Variants in CLK3 observed in about 807,000 individuals in gnomAD.
The protein encoded by CLK3 is dual specificity protein kinase CLK3.
In CLK3, 24 loss-of-function variants were observed where a neutral mutation model predicts 65.2. The observed-to-expected ratio is 0.37, with a 90% confidence interval of 0.27 to 0.52. The LOEUF is 0.52. CLK3 is among the 20% of genes least tolerant of loss of function. The pLI is 0.92. For missense variants in CLK3, 506 were observed against 660.0 expected (o/e 0.77, Z 2.56); for synonymous variants, 252 against 240.8 (o/e 1.05, Z -0.43).
intron 7 of CLK3, among the ~76,000 whole-genome samples, chr15:74,626,541 G>T (rs1445490642): frequency 1.3e-5 from 2 of 152,244 alleles, no homozygotes; most frequent in Non-Finnish European, 2.9e-5. Context: ...GTGATAGGCT[G>T]CAGGCCACTG....
At chr15:74,614,775 GA>G (rs2062034869), upstream of CLK3, 4 of 152,304 alleles carry the variant, frequency 2.6e-5, no homozygotes, top group South Asian at 8.3e-4. Flanking sequence ...CGGTGCTGGG[GA>G]AACCCTTGGC....
chr15:74,615,045 G>T (rs1378595895), upstream of CLK3: 1 of 193,798 alleles, frequency 5.2e-6, no homozygotes, highest in Non-Finnish European at 1.0e-5. Context: ...ACCCGGCGCG[G>T]GACAGTAGGT....
chr15:74,619,055 T>C, intron 1 of CLK3, 142 bp from the exon 2 acceptor site: 2 of 933,406 alleles, frequency 2.1e-6, no homozygotes, highest in South Asian at 1.6e-5. Context: ...AGAGTTCTTC[T>C]TCACTTCATA....
chr15:74,619,912 G>C (rs2141540736), intron 2 of CLK3, 97 bp from the exon 3 acceptor site: 1 of 1,567,646 alleles, frequency 6.4e-7, no homozygotes, highest in Admixed American at 1.8e-5. Flanking sequence ...AGCACAGGCT[G>C]TCCCCCTTTA....
At chr15:74,617,920 T>C (rs1169440560) in intron 1 of CLK3, among the ~76,000 whole-genome samples, 5 of 152,228 alleles carry the variant, frequency 3.3e-5, no homozygotes, top group Admixed American at 1.3e-4. Flanking sequence ...TCACAAAATA[T>C]TTATCTCCAA....
chr15:74,609,542 T>G (rs2061960192), intron 1 of CLK3, among the ~76,000 whole-genome samples: 1 of 152,252 alleles, frequency 6.6e-6, no homozygotes, highest in Non-Finnish European at 1.5e-5. Context: ...ATGGCCTGGA[T>G]CAGCTAATGC....
At chr15:74,628,287 GTAGGAGGTGACCTGACCTTC>G (rs1223308019) in intron 10 of CLK3, among the ~76,000 whole-genome samples, 1 of 151,344 alleles carries the variant, frequency 6.6e-6, no homozygotes, top group African/African-American at 2.4e-5. Flanking sequence ...GGAGGATGGG[GTAGGAGGTGACCTGACCTTC>G]TAGATAAGGG....
rs1252274483 is a variant in CLK3 at position 74,622,355 on chromosome 15, C to T, written c.466+139C>T. Reference sequence around the variant, plus strand: ...AGTAATTGCCTGAATGACACAGACACTAGCAACTTCCATTTTTAAGAGTGT... The same window carrying T: ...AGTAATTGCCTGAATGACACAGACATTAGCAACTTCCATTTTTAAGAGTGT... On this transcript the variant is annotated intron_variant, in intron 4 of 12. Transcript: ENST00000395066. The surrounding 1 kb of genome is among the most constrained non-coding windows in gnomAD (Gnocchi z 4.6). 2.9e-6 allele frequency: 3 copies of T among 1,021,982 alleles called. No individual in the cohort carries two copies. The highest frequency in any genetic ancestry group is 4.4e-6 in the Non-Finnish European group (3 of 676,718). The allele number at this position is 1,021,982 out of a possible 1,614,324, so 63.3% of individuals were successfully genotyped here.
chr15:74,620,867 T>C (rs2062096238), intron 3 of CLK3: 1 of 153,016 alleles, frequency 6.5e-6, no homozygotes, highest in African/African-American at 2.4e-5. Flanking sequence ...TGTGAAGAAA[T>C]GGCAGAAAGG....
Position 74,622,700 on chromosome 15 carries a change from G to A in CLK3, c.533+140G>A. On this transcript the variant is annotated intron_variant, in intron 5 of 12. Transcript: ENST00000395066. This position sits in a 1 kb window ranked among gnomAD's most constrained non-coding sequence, Gnocchi z 4.6. The stretch of plus-strand genomic sequence containing the variant: ...TGGCATCAAAGTAGGGTTCCGACCT[G>A]TCCATGTTGGGGTTTTGCTGACCCC... 1 of 564,826 alleles carries A rather than the reference G, an allele frequency of 1.8e-6. No individual in the cohort carries two copies. Among genetic ancestry groups the A allele is most frequent in the Non-Finnish European group, 3.0e-6 (1 of 331,342 alleles). The allele number at this position is 564,826 out of a possible 1,614,324, so 35.0% of individuals were successfully genotyped here.
rs1164436160 is a variant in CLK3 at position 74,621,050 on chromosome 15, C to G, written c.369+825C>G. The stretch of plus-strand genomic sequence containing the variant: ...TTACGTGCGGTCTTCTCTTCTCCCC[C>G]ATCCCTCTTCCCTGCCTCCCTCCTG... On this transcript the variant is annotated intron_variant, in intron 3 of 12. Coordinates refer to ENST00000395066, the MANE Select transcript of CLK3 (RefSeq NM_001130028.2). This position sits in a 1 kb window ranked among gnomAD's most constrained non-coding sequence, Gnocchi z 4.8. The G allele has an allele frequency of 6.6e-6, 1 of 152,500 alleles. No homozygotes were observed. Among genetic ancestry groups the G allele is most frequent in the African/African-American group, 2.4e-5 (1 of 41,464 alleles). 9.4% of individuals were successfully genotyped at this position (152,500 alleles called of 1,614,324 possible).
In CLK3 at chr15:74,625,904, C is replaced by T. The variant is rs144212195; in HGVS notation, c.753C>T (p.Asn251=). 1,536 of 1,614,202 alleles carry T rather than the reference C, an allele frequency of 9.5e-4. 9 individuals are homozygous for T. The Middle Eastern group carries it at 0.014, about 15-fold the overall frequency. The part of the protein sequence containing the change: ...KNTFEFLKEN[N]FQPYPLPHVR... ...CCTTTGAGTTCCTGAAGGAGAATAA[C>T]TTCCAGCCTTACCCCCTACCACATG... The change falls in exon 7 of 13, where the codon AAC becomes AAT. Residue 251 remains asparagine, a synonymous_variant. Transcript: ENST00000395066.
Position 74,625,888 on chromosome 15 carries a change from T to A in CLK3, c.737T>A (p.Phe246Tyr). The change falls in exon 7 of 13, where the codon TTC becomes TAC. Residue 246 changes from phenylalanine (F) to tyrosine (Y), a missense_variant. Transcript: ENST00000395066. ...CTCCTGGGCAAGAACACCTTTGAGT[T>A]CCTGAAGGAGAATAACTTCCAGCCT... ...FELLGKNTFE[F>Y]LKENNFQPYP... The A allele has an allele frequency of 1.2e-6, 2 of 1,614,120 alleles. No homozygotes were observed. Among genetic ancestry groups the A allele is most frequent in the Non-Finnish European group, 1.7e-6 (2 of 1,180,018 alleles).
At position 74,620,173 on chromosome 15, in the gene CLK3, A is replaced by G. The variant is rs781743086; in HGVS notation, c.317A>G (p.His106Arg). The change falls in exon 3 of 13, where the codon CAT (histidine) becomes CGT (arginine). Residue 106 changes from histidine (H) to arginine (R), a missense_variant. Transcript: ENST00000395066. ...AGGGGGCCATACCGGACCCGCAAGC[A>G]TGCCCACCACTGCCACAAACGCCGC... ...RERGPYRTRK[H>R]AHHCHKRRTR... The G allele has an allele frequency of 6.2e-7, 1 of 1,614,026 alleles. No individual in the cohort carries two copies. The highest frequency in any genetic ancestry group is 1.1e-5 in the South Asian group (1 of 91,082).
intron 1 of CLK3, among the ~76,000 whole-genome samples, chr15:74,608,933 C>T (rs2061948827): frequency 1.3e-5 from 2 of 152,332 alleles, no homozygotes; most frequent in African/African-American, 4.8e-5. Flanking sequence ...AGCCACCTAC[C>T]AGGACTCTTG....
intron 11 of CLK3, 84 bp from the exon 12 acceptor site, chr15:74,628,858 C>A: frequency 9.0e-7 from 1 of 1,116,082 alleles, no homozygotes; most frequent in African/African-American, 1.5e-5. Context: ...CTGCTGCTGT[C>A]TTGGGAGCTG....
rs1249231655 is a variant in CLK3, at chr15:74,629,944, T to C, written c.*61T>C. On this transcript the variant is annotated 3_prime_UTR_variant, in exon 13 of 13. Coordinates refer to ENST00000395066, the MANE Select transcript of CLK3 (RefSeq NM_001130028.2). The stretch of plus-strand genomic sequence containing the variant: ...GGACTGGGCCGCCCAGCCCCTTGAC[T>C]CCAGCCTCGACCGCCAGGCCCCAGG... 4.0e-6 allele frequency: 6 copies of C among 1,501,178 alleles called. No individual in the cohort carries two copies. Among genetic ancestry groups the C allele is most frequent in the African/African-American group, 1.4e-5 (1 of 72,298 alleles). 93.0% of individuals were successfully genotyped at this position (1,501,178 alleles called of 1,614,324 possible). A position where few individuals can be genotyped will look rare whatever the true frequency, so the allele number is the denominator to read the frequency against.
rs984364791 is a variant in CLK3, at chr15:74,622,866, C to G, written c.533+306C>G. 1.3e-5 allele frequency among the ~76,000 whole-genome samples: 2 copies of G among 152,128 alleles called. No individual in the cohort carries two copies. Among genetic ancestry groups the G allele is most frequent in the African/African-American group, 2.4e-5 (1 of 41,408 alleles). On this transcript the variant is annotated intron_variant, in intron 5 of 12. Transcript: ENST00000395066. This position sits in a 1 kb window ranked among gnomAD's most constrained non-coding sequence, Gnocchi z 4.6. ...GGATATCAGAACAGGGCCAAGGCCC[C>G]GGCTCCCCTGTGGCTTGGAGCTGCT...
In CLK3 at chr15:74,627,169, T is replaced by C. The variant is rs1367889928; in HGVS notation, c.818-183T>C. On this transcript the variant is annotated intron_variant, in intron 7 of 12. Transcript: ENST00000395066. This position sits in a 1 kb window ranked among gnomAD's most constrained non-coding sequence, Gnocchi z 4.3. Reference sequence around the variant, plus strand: ...TAAAGTATCAGAACCCTCCAAGGCCTCAAGTACAGAGAACCCTTGAGAGGG... The same window carrying C: ...TAAAGTATCAGAACCCTCCAAGGCCCCAAGTACAGAGAACCCTTGAGAGGG... 1.4e-6 allele frequency: 1 copy of C among 719,374 alleles called. No homozygotes were observed. The highest frequency in any genetic ancestry group is 2.5e-6 in the Non-Finnish European group (1 of 393,092). The allele number at this position is 719,374 out of a possible 1,614,324, so 44.6% of individuals were successfully genotyped here.
Sources: gnomAD v4.1 joint callset for allele counts (sites outside exome capture counted in the v4.1 genomes callset) on GRCh38, gnomAD v4.1.1 for gene constraint, Gnocchi (gnomAD v3.1) non-coding constraint, MANE v1.5 for transcripts, NCBI Gene and HGNC (gene_info 2026-07-23, HGNC 2026-07-21) for gene names.